Variants in AHR observed in about 807,000 individuals in gnomAD.
AHR encodes AH-receptor.
In AHR, 40 loss-of-function variants were observed where a neutral mutation model predicts 86.8. The observed-to-expected ratio is 0.46, with a 90% CI of 0.36 to 0.60. The LOEUF (loss-of-function observed/expected upper bound fraction) is 0.60. AHR is among the 20% of genes least tolerant of loss of function. AHR has a pLI of 0.00. For missense variants in AHR, 1,001 were observed against 1,011.6 expected, an observed-to-expected ratio of 0.99 and a Z score of 0.14; for synonymous variants, 398 against 354.9, an observed-to-expected ratio of 1.12 and a Z score of -1.37.
At chr7:17,311,568 T>C (rs1184137613) in intron 2 of AHR, among the ~76,000 whole-genome samples, 1 of 152,214 alleles carries the variant, frequency 6.6e-6, no homozygotes, top group East Asian at 1.9e-4. Flanking sequence ...CTCCCGTCTT[T>C]CTTTTGGACA....
Position 17,330,892 on chromosome 7 carries a change from G to C in AHR, c.705+6G>C, listed in dbSNP as rs1336716435. On this transcript the variant is annotated splice_donor_region_variant and intron_variant, in intron 6 of 10. Transcript: ENST00000242057. ...ATAATTCATCTGGTTTTCTGGTAAG[G>C]TACAAAATTTTATGATACTGGCTTT... The C allele has an allele frequency of 6.2e-7, 1 of 1,609,922 alleles. No homozygotes were observed. The highest frequency in any genetic ancestry group is 8.5e-7 in the Non-Finnish European group (1 of 1,177,802).
chr7:17,326,160 A>AT (rs1782227933), intron 3 of AHR, among the ~76,000 whole-genome samples: 1 of 152,188 alleles, frequency 6.6e-6, no homozygotes, highest in Non-Finnish European at 1.5e-5. Context: ...AAACTGGAAC[A>AT]TGGCACTTAC....
chr7:17,330,232 C>T (rs113670956), intron 5 of AHR, among the ~76,000 whole-genome samples, 157 bp downstream of exon 5: 8 of 151,780 alleles, frequency 5.3e-5, no homozygotes, highest in African/African-American at 1.9e-4. Context: ...TCACAAAGAG[C>T]CTGATGAGCT....
chr7:17,317,452 T>G (rs1482526485), intron 2 of AHR, among the ~76,000 whole-genome samples: 2 of 152,158 alleles, frequency 1.3e-5, no homozygotes, highest in Non-Finnish European at 2.9e-5. Flanking sequence ...GATAGGTGCT[T>G]CAGCTTTTGT....
chr7:17,342,793 C>A, intron 10 of AHR, 128 bp from the exon 11 acceptor site: 2 of 835,392 alleles, frequency 2.4e-6, no homozygotes, highest in Non-Finnish European at 3.7e-6. Context: ...AATTTAGCAA[C>A]AGTAAAGGAA....
At chr7:17,334,228 AT>A in intron 7 of AHR, 114 bp downstream of exon 7, 2 of 855,990 alleles carry the variant, frequency 2.3e-6, no homozygotes, top group Non-Finnish European at 3.6e-6. Flanking sequence ...TAGATTGGCT[AT>A]TATCGTACAT....
chr7:17,341,434 T>C (rs1183284727), intron 10 of AHR, among the ~76,000 whole-genome samples: 1 of 152,096 alleles, frequency 6.6e-6, no homozygotes, highest in Non-Finnish European at 1.5e-5. Context: ...GAATAAGGAG[T>C]TGCATGAGTA....
intron 2 of AHR, among the ~76,000 whole-genome samples, chr7:17,321,075 G>C (rs1782167705): frequency 6.6e-6 from 1 of 152,026 alleles, no homozygotes; most frequent in Admixed American, 6.6e-5. Context: ...TTCAGAGCTG[G>C]ATTATTTTGT....
Position 17,339,046 on chromosome 7 carries a change from C to T in AHR, c.1221C>T (p.Thr407=), listed in dbSNP as rs1244069649. Residue 407 remains threonine (T), a synonymous_variant, in exon 10 of 11, where the codon ACC becomes ACT. Coordinates refer to ENST00000242057, the MANE Select transcript of AHR (RefSeq NM_001621.5). ...ATACGAAGTTGCCTTTTATGTTTAC[C>T]ACTGGAGAAGCTGTGTTGTATGAGG... ...KRNTKLPFMF[T]TGEAVLYEAT... is the part of the protein sequence containing the mutation. 6.2e-7 allele frequency: 1 copy of T among 1,613,816 alleles called. No homozygotes were observed. The highest frequency in any genetic ancestry group is 8.5e-7 in the Non-Finnish European group (1 of 1,180,004).
intron 9 of AHR, 97 bp from the exon 10 acceptor site, chr7:17,338,889 C>T: frequency 8.6e-7 from 1 of 1,157,852 alleles, no homozygotes; most frequent in Non-Finnish European, 1.2e-6. Context: ...AATTCAATTA[C>T]AATGTATTTT....
intron 4 of AHR, 35 bp downstream of exon 4, chr7:17,327,883 A>G (rs1329753545): frequency 2.1e-6 from 2 of 952,682 alleles, no homozygotes; most frequent in Non-Finnish European, 2.8e-6. Context: ...TTATATTATT[A>G]TATCATTTAC....
rs1782480718 is a variant in AHR at position 17,346,055 on chromosome 7, T to G, written c.*2991T>G. ...TCTTCAAAATGTTACTGCTTACATA[T>G]ATCATGCATAGATTTTTGCTTAAAG... On this transcript the variant is annotated 3_prime_UTR_variant, in exon 11 of 11. Coordinates refer to ENST00000242057, the MANE Select transcript of AHR (RefSeq NM_001621.5). The G allele has an allele frequency of 6.5e-6, 1 of 152,732 alleles. No individual in the cohort carries two copies. Among genetic ancestry groups the G allele is most frequent in the African/African-American group, 2.4e-5 (1 of 41,456 alleles). The allele number at this position is 152,732 out of a possible 1,614,324, so 9.5% of individuals were successfully genotyped here. A position where few individuals can be genotyped will look rare whatever the true frequency, so the allele number is the denominator to read the frequency against.
chr7:17,328,230 A>T (rs541470138), intron 4 of AHR, among the ~76,000 whole-genome samples: 1 of 152,018 alleles, frequency 6.6e-6, no homozygotes. Context: ...CCTATGATTT[A>T]TACCTTTAAT....
At chr7:17,329,628 A>T (rs1298412243) in intron 4 of AHR, among the ~76,000 whole-genome samples, 1 of 151,946 alleles carries the variant, frequency 6.6e-6, no homozygotes, top group African/African-American at 2.4e-5. Flanking sequence ...AGAGATAAGA[A>T]TCTAAAAACT....
At chr7:17,299,355 CGCG>C in intron 1 of AHR, 26 bp downstream of exon 1, 1 of 1,609,440 alleles carries the variant, frequency 6.2e-7, no homozygotes, top group East Asian at 2.2e-5. Flanking sequence ...GCGTCCTCAT[CGCG>C]GGGGCTGGGC....
intron 2 of AHR, among the ~76,000 whole-genome samples, chr7:17,318,842 T>A (rs940372213): frequency 8.5e-5 from 13 of 152,264 alleles, no homozygotes; most frequent in African/African-American, 2.9e-4. Context: ...TACTGTATTC[T>A]TAAAGTAGGC....
chr7:17,335,034 C>A, intron 8 of AHR, 38 bp downstream of exon 8: 2 of 1,447,754 alleles, frequency 1.4e-6, no homozygotes, highest in South Asian at 1.2e-5. Flanking sequence ...CAGAAGAAAA[C>A]GGCATATACT....
chr7:17,305,369 G>C (rs1781995011), intron 1 of AHR, among the ~76,000 whole-genome samples: 1 of 152,146 alleles, frequency 6.6e-6, no homozygotes, highest in African/African-American at 2.4e-5. Context: ...GCTGGGGGAA[G>C]GAAATGAAGA....
At chr7:17,337,970 C>T (rs181738847) in intron 9 of AHR, among the ~76,000 whole-genome samples, 6 of 151,032 alleles carry the variant, frequency 4.0e-5, no homozygotes, top group East Asian at 3.9e-4. Flanking sequence ...TTGCCCGAGG[C>T]GGGCGGATCA....
Sources: gnomAD v4.1 joint callset for allele counts (sites outside exome capture counted in the v4.1 genomes callset) on GRCh38, gnomAD v4.1.1 for gene constraint, MANE v1.5 for transcripts, NCBI Gene and HGNC (gene_info 2026-07-23, HGNC 2026-07-21) for gene names.